The following ZNF721 variants were observed in gnomAD, a reference collection of about 807,000 sequenced individuals.
ZNF721 encodes zinc finger protein 721.
ZNF721 carries 2 observed loss-of-function variants against 2.4 expected under a neutral mutation model. The ratio of observed to expected loss-of-function variants is 0.82; its 90% CI spans 0.34 to 2.58. The LOEUF (loss-of-function observed/expected upper bound fraction) is 2.58, where lower values mean the gene tolerates loss of function less well. Among genes scored for constraint, ZNF721 ranks in the 30% most tolerant of loss-of-function variants. The pLI, the probability that ZNF721 is intolerant of heterozygous loss-of-function variation, is 0.11. For missense variants in ZNF721, 1,187 were observed against 1,085.5 expected (o/e 1.09, Z -1.31); for synonymous variants, 398 against 381.8 (o/e 1.04, Z -0.50).
At chr4:474,453 G>A (rs1006282780) in intron 1 of ZNF721, among the ~76,000 whole-genome samples, 20 of 152,132 alleles carry the variant, frequency 1.3e-4, no homozygotes, top group African/African-American at 4.8e-4. Context: ...CACACACACA[G>A]ACACACTTGT....
intron 2 of ZNF721, among the ~76,000 whole-genome samples, chr4:460,234 AAC>A (rs1357907887): frequency 2.0e-5 from 3 of 152,222 alleles, no homozygotes; most frequent in African/African-American, 7.2e-5. Context: ...AGAAAATTAT[AAC>A]AGTCTCTCAG....
chr4:441,603 G>T lies in ZNF721; in HGVS notation c.*92C>A. 1 of 1,091,560 alleles carries T rather than the reference G, an allele frequency of 9.2e-7. No homozygotes were observed. Among genetic ancestry groups the T allele is most frequent in the Non-Finnish European group, 1.3e-6 (1 of 774,028 alleles). 67.6% of individuals were successfully genotyped at this position (1,091,560 alleles called of 1,614,324 possible). Reference sequence around the variant, plus strand: ...GGATTGAGGAGCATTTAAAGACCGCGACATTCGTCACCTTCGTAAGACATT... The same window carrying T: ...GGATTGAGGAGCATTTAAAGACCGCTACATTCGTCACCTTCGTAAGACATT... On this transcript the variant is annotated 3_prime_UTR_variant, in exon 3 of 3. Coordinates refer to ENST00000511833, the MANE Select transcript of ZNF721 (RefSeq NM_133474.4).
At chr4:485,755 C>A (rs1202102286) in intron 1 of ZNF721, among the ~76,000 whole-genome samples, 1 of 152,112 alleles carries the variant, frequency 6.6e-6, no homozygotes, top group African/African-American at 2.4e-5. Flanking sequence ...GCGGGCGGAT[C>A]ATGAGGTCAA....
At chr4:450,954 AAAATATATATATATATAT>A (rs1406655338) in intron 2 of ZNF721, among the ~76,000 whole-genome samples, 1,130 of 38,642 alleles carry the variant, frequency 0.029, 58 homozygotes, top group South Asian at 0.053. Flanking sequence ...AAAAAAAAAA[AAAATATATATATATATAT>A]ATATATATAT....
intron 2 of ZNF721, among the ~76,000 whole-genome samples, chr4:446,981 T>C (rs1553864273): frequency 6.6e-6 from 1 of 152,140 alleles, no homozygotes; most frequent in African/African-American, 2.4e-5. Context: ...TCACCGCGCC[T>C]GGCTGAGGAA....
intron 2 of ZNF721, among the ~76,000 whole-genome samples, chr4:455,578 C>G (rs993392175): frequency 6.6e-6 from 1 of 151,396 alleles, no homozygotes; most frequent in Non-Finnish European, 1.5e-5. Context: ...AACAACCAAC[C>G]AACCAACCAA....
intron 1 of ZNF721, among the ~76,000 whole-genome samples, chr4:479,860 T>C (rs565904573): frequency 6.6e-6 from 1 of 152,272 alleles, no homozygotes; most frequent in Non-Finnish European, 1.5e-5. Flanking sequence ...CTGCCCTTCA[T>C]GTGTGCACAT....
At chr4:467,446 G>A (rs1553866909) in intron 2 of ZNF721, among the ~76,000 whole-genome samples, 1 of 152,170 alleles carries the variant, frequency 6.6e-6, no homozygotes, top group African/African-American at 2.4e-5. Flanking sequence ...TAAATTCCTA[G>A]AAAACATAAG....
At chr4:447,249 G>T (rs1054903915) in intron 2 of ZNF721, among the ~76,000 whole-genome samples, 1 of 152,014 alleles carries the variant, frequency 6.6e-6, no homozygotes, top group African/African-American at 2.4e-5. Context: ...ATGAACCCAG[G>T]AGGCAGAGCT....
intron 1 of ZNF721, among the ~76,000 whole-genome samples, chr4:484,449 C>T (rs1309823813): frequency 5.3e-5 from 8 of 152,158 alleles, no homozygotes; most frequent in South Asian, 2.1e-4. Context: ...GTGAGCCGGG[C>T]GGAACACAAC....
In ZNF721 at chr4:443,370, C is replaced by G; in HGVS notation, c.1097G>C (p.Cys366Ser). The G allele has an allele frequency of 6.2e-7, 1 of 1,614,068 alleles. No individual in the cohort carries two copies. Among genetic ancestry groups the G allele is most frequent in the Non-Finnish European group, 8.5e-7 (1 of 1,179,954 alleles). ...TGEKPYKCED[C>S]GKAFGRYTAL... ...TGTGTACCGTCCAAAGGCTTTGCCA[C>G]AGTCTTCGCATTTGTAAGGTTTCTC... Residue 366 changes from cysteine to serine, a missense_variant, in exon 3 of 3, where the codon TGT becomes TCT. By Grantham distance (112) the Cys-to-Ser change is moderately radical. Transcript: ENST00000511833.
In ZNF721 at chr4:444,278, C is replaced by T. The variant is rs73070365; in HGVS notation, c.189G>A (p.Lys63=). The T allele has an allele frequency of 0.04, 64,478 of 1,613,928 alleles. 2,121 individuals are homozygous for T. The highest frequency in any genetic ancestry group is 0.17 in the African/African-American group (12,649 of 74,990). Residue 63 remains lysine, a synonymous_variant, in exon 3 of 3, where the codon AAG becomes AAA. Transcript: ENST00000511833. ...ATTTATTAATTCCATTATAAACTCC[C>T]TTCTGCACTTTACACACGTTCATAC... ...CKSMNVCKVQ[K]GVYNGINKCL...
chr4:443,719 T>G lies in ZNF721; in HGVS notation c.748A>C (p.Lys250Gln), dbSNP rs1553863720. 6.2e-7 allele frequency: 1 copy of G among 1,614,130 alleles called. No homozygotes were observed. The highest frequency in any genetic ancestry group is 8.5e-7 in the Non-Finnish European group (1 of 1,179,994). The change falls in exon 3 of 3, where the codon AAA becomes CAA. Residue 250 changes from lysine (K) to glutamine (Q), a missense_variant. Lys to Gln is a moderately conservative substitution (Grantham distance 53). Transcript: ENST00000511833. The stretch of plus-strand genomic sequence containing the variant: ...ATGACTTTGCCACATTCCTTACATT[T>G]GTAGGGTTTCTCTCCAGTATGAATT... Reference protein sequence around the residue: ...EKIHTGEKPYKCKECGKVISS... With the variant: ...EKIHTGEKPYQCKECGKVISS...
chr4:451,258 G>A (rs1175429322), intron 2 of ZNF721, among the ~76,000 whole-genome samples: 1 of 152,112 alleles, frequency 6.6e-6, no homozygotes, highest in Non-Finnish European at 1.5e-5. Flanking sequence ...AACAGGTTGT[G>A]TGAGCCCCTT....
intron 2 of ZNF721, among the ~76,000 whole-genome samples, chr4:470,683 CA>C (rs1715403995): frequency 6.6e-6 from 1 of 151,350 alleles, no homozygotes; most frequent in Non-Finnish European, 1.5e-5. Flanking sequence ...TACTGTACTC[CA>C]GCCCGGGCAA....
chr4:495,055 C>T (rs191931889), intron 1 of ZNF721, among the ~76,000 whole-genome samples: 6,343 of 151,734 alleles, frequency 0.042, 180 homozygotes, highest in African/African-American at 0.083. Context: ...GCTAATTTTT[C>T]GTATTTTTAA....
chr4:468,210 T>C (rs1715316639), intron 2 of ZNF721, among the ~76,000 whole-genome samples: 1 of 150,450 alleles, frequency 6.6e-6, no homozygotes, highest in South Asian at 2.1e-4. Flanking sequence ...GAGCTTGCAG[T>C]GAGCTGAGAT....
rs373696508 is a variant in ZNF721, at chr4:454,053, A to C, written c.35-9621T>G. ...TCTCCCACCAGACAACTGTCAACACATACTCCAAATCAACAGCATTGTCCC... is the reference window on the plus strand; with the variant it reads ...TCTCCCACCAGACAACTGTCAACACCTACTCCAAATCAACAGCATTGTCCC... On this transcript the variant is annotated intron_variant, in intron 2 of 2. Coordinates refer to ENST00000511833, the MANE Select transcript of ZNF721 (RefSeq NM_133474.4). The C allele has an allele frequency of 1.6e-4, 25 of 152,064 alleles. 1 individual carries two copies. The East Asian group carries it at 4.3e-3, about 26-fold the overall frequency. The allele number at this position is 152,064 out of a possible 1,614,324, so 9.4% of individuals were successfully genotyped here. A position where few individuals can be genotyped will look rare whatever the true frequency, so the allele number is the denominator to read the frequency against.
intron 2 of ZNF721, among the ~76,000 whole-genome samples, chr4:456,245 T>C (rs1714845602): frequency 6.6e-6 from 1 of 152,060 alleles, no homozygotes. Context: ...TAATTTTCTA[T>C]TTTTAGTGGA....
Sources: gnomAD v4.1 joint callset for allele counts (sites outside exome capture counted in the v4.1 genomes callset) on GRCh38, gnomAD v4.1.1 for gene constraint, MANE v1.5 for transcripts, NCBI Gene and HGNC (gene_info 2026-07-23, HGNC 2026-07-21) for gene names.